Variants in SLC25A26 observed in about 807,000 individuals in gnomAD.
SLC25A26 encodes solute carrier family 25 member 26.
SLC25A26 carries 36 observed loss-of-function variants against 37.8 expected under a neutral mutation model. The ratio of observed to expected loss-of-function variants is 0.95; its 90% CI spans 0.73 to 1.26. The LOEUF is 1.26. SLC25A26 is among the 50% of genes most tolerant of loss of function. SLC25A26 has a pLI of 0.00. For synonymous variants in SLC25A26, 129 were observed against 122.5 expected (o/e 1.05, Z -0.35); for missense variants, 390 against 331.1 (o/e 1.18, Z -1.38).
intron 5 of SLC25A26, among the ~76,000 whole-genome samples, chr3:66,274,713 A>G (rs1428648305): frequency 2.0e-5 from 3 of 152,188 alleles, no homozygotes; most frequent in Non-Finnish European, 4.4e-5. Context: ...ACCATCTCAC[A>G]CCAGTTAGAA....
chr3:66,227,164 GAC>G (rs1190548991), intron 1 of SLC25A26, among the ~76,000 whole-genome samples: 3 of 152,172 alleles, frequency 2.0e-5, no homozygotes, highest in Non-Finnish European at 4.4e-5. Flanking sequence ...CTTAGTCTGG[GAC>G]ATTTTCATCC....
chr3:66,320,160 T>C (rs1046499966), intron 5 of SLC25A26, among the ~76,000 whole-genome samples: 1 of 152,206 alleles, frequency 6.6e-6, no homozygotes, highest in Non-Finnish European at 1.5e-5. Context: ...AAGTGCCTAA[T>C]AGCATTAATT....
intron 6 of SLC25A26, among the ~76,000 whole-genome samples, chr3:66,357,916 A>G (rs116492030): frequency 0.011 from 1,648 of 152,296 alleles, 38 homozygotes; most frequent in African/African-American, 0.038. Context: ...AATCTCCTAG[A>G]ACTTGCCCCT....
intron 9 of SLC25A26, among the ~76,000 whole-genome samples, chr3:66,376,963 T>G (rs942565510): frequency 5.3e-5 from 8 of 152,184 alleles, no homozygotes; most frequent in African/African-American, 1.9e-4. Context: ...AGCTACATAA[T>G]CATCCACTGT....
chr3:66,337,981 C>G (rs1456449557), intron 5 of SLC25A26, among the ~76,000 whole-genome samples: 1 of 151,908 alleles, frequency 6.6e-6, no homozygotes, highest in East Asian at 1.9e-4. Flanking sequence ...CGTGTAATCC[C>G]CATATCCTTA....
intron 5 of SLC25A26, among the ~76,000 whole-genome samples, chr3:66,317,819 T>A (rs2107628956): frequency 6.6e-6 from 1 of 152,232 alleles, no homozygotes; most frequent in East Asian, 1.9e-4. Flanking sequence ...GATGCTGAAA[T>A]TCCCACAGGG....
At chr3:66,153,394 G>A (rs1231490843) in intron 1 of SLC25A26, among the ~76,000 whole-genome samples, 1 of 152,102 alleles carries the variant, frequency 6.6e-6, no homozygotes, top group Non-Finnish European at 1.5e-5. Flanking sequence ...CATGGTTTTC[G>A]AGCTTTATTG....
intron 5 of SLC25A26, among the ~76,000 whole-genome samples, chr3:66,290,961 G>C (rs769013730): frequency 4.6e-5 from 7 of 152,090 alleles, no homozygotes; most frequent in Admixed American, 3.3e-4. Context: ...TTTTTGGTTT[G>C]TAGGCTATTA....
At chr3:66,359,497 C>T (rs939591093) in intron 6 of SLC25A26, among the ~76,000 whole-genome samples, 2 of 152,142 alleles carry the variant, frequency 1.3e-5, no homozygotes, top group Non-Finnish European at 2.9e-5. Flanking sequence ...TTTGGAGTAG[C>T]CTTCTACTCT....
chr3:66,151,695 T>A (rs1466018856), intron 1 of SLC25A26, among the ~76,000 whole-genome samples: 3 of 152,086 alleles, frequency 2.0e-5, no homozygotes, highest in African/African-American at 7.2e-5. Context: ...CTCTTTACCA[T>A]CCCCATCCTT....
At chr3:66,283,344 G>T (rs141358377) in intron 5 of SLC25A26, among the ~76,000 whole-genome samples, 2 of 152,056 alleles carry the variant, frequency 1.3e-5, no homozygotes, top group East Asian at 3.8e-4. Context: ...GTGCAGTGGC[G>T]CAGTCTTGGC....
intron 9 of SLC25A26, among the ~76,000 whole-genome samples, chr3:66,372,200 A>G (rs1418982371): frequency 6.6e-6 from 1 of 152,246 alleles, no homozygotes; most frequent in African/African-American, 2.4e-5. Flanking sequence ...CCAAACTGCC[A>G]AATTTCACTG....
At chr3:66,369,069 A>AC (rs1700200818) in intron 7 of SLC25A26, among the ~76,000 whole-genome samples, 1 of 125,418 alleles carries the variant, frequency 8.0e-6, no homozygotes, top group African/African-American at 3.0e-5. Context: ...AAAACAAAAG[A>AC]CAGTGGCCTA....
chr3:66,237,123 G>C (rs2072330507), intron 2 of SLC25A26, among the ~76,000 whole-genome samples: 1 of 152,144 alleles, frequency 6.6e-6, no homozygotes, highest in African/African-American at 2.4e-5. Flanking sequence ...TAGTCGGCAT[G>C]AGCCACTGTG....
At chr3:66,200,950 G>A (rs1341823729) in intron 1 of SLC25A26, among the ~76,000 whole-genome samples, 1 of 152,024 alleles carries the variant, frequency 6.6e-6, no homozygotes, top group Non-Finnish European at 1.5e-5. Flanking sequence ...ACAGCCCCAG[G>A]GTGCTGTGGC....
intron 1 of SLC25A26, among the ~76,000 whole-genome samples, chr3:66,159,020 C>T (rs1225988581): frequency 7.2e-5 from 11 of 152,248 alleles, no homozygotes; most frequent in Non-Finnish European, 2.9e-5. Flanking sequence ...CACATGCCCA[C>T]AGAAGCATGG....
chr3:66,277,908 A>G (rs530186834), intron 5 of SLC25A26, among the ~76,000 whole-genome samples: 48 of 152,264 alleles, frequency 3.2e-4, no homozygotes, highest in Non-Finnish European at 5.0e-4. Flanking sequence ...ATTGAGAGAC[A>G]TTGTACAGAA....
rs1700776780 is a variant in SLC25A26, at chr3:66,378,007, A to T, written c.*200A>T. 1 of 514,742 alleles carries T rather than the reference A, an allele frequency of 1.9e-6. No individual in the cohort carries two copies. 31.9% of individuals were successfully genotyped at this position (514,742 alleles called of 1,614,324 possible). A position where few individuals can be genotyped will look rare whatever the true frequency, so the allele number is the denominator to read the frequency against. ...GCCTGTATGCCAGAGAGCTAAGAGA[A>T]GAAAACGGGGTCTGTGGCGGTACTC... On this transcript the variant is annotated 3_prime_UTR_variant, in exon 10 of 10. Transcript: ENST00000354883.
rs1700290575 is a variant in SLC25A26 at position 66,370,533 on chromosome 3, G to C, written c.638G>C (p.Gly213Ala). 1.9e-6 allele frequency: 3 copies of C among 1,613,716 alleles called. No individual in the cohort carries two copies. Among genetic ancestry groups the C allele is most frequent in the Non-Finnish European group, 2.5e-6 (3 of 1,179,754 alleles). The change falls in exon 9 of 10, where the codon GGC (glycine) becomes GCC (alanine). Residue 213 changes from glycine to alanine, a missense_variant. By Grantham distance (60) the Gly-to-Ala change is moderately conservative. Transcript: ENST00000354883. ...AKTRITLAKA[G>A]SSTADGNVLS... ...TCTCTTTGTCTGTTCACACAGGCTG[G>C]CTCCAGCACTGCTGATGGGAATGTG...
Sources: allele counts gnomAD v4.1 joint callset (sites outside exome capture counted in the v4.1 genomes callset), GRCh38; gene constraint gnomAD v4.1.1; transcripts MANE v1.5; gene names NCBI Gene and HGNC (gene_info 2026-07-23, HGNC 2026-07-21).